TTC6: variants seen among roughly 807,000 people sequenced by gnomAD.
TTC6 encodes the protein tetratricopeptide repeat domain 6.
In TTC6, 172 loss-of-function variants were observed where a neutral mutation model predicts 210.4. That is an observed-to-expected ratio of 0.82 (90% CI 0.72 to 0.93). The LOEUF is 0.93. Ranked by LOEUF, TTC6 falls within the 40% of genes least tolerant of loss-of-function variation. The pLI, the probability that TTC6 is intolerant of heterozygous loss-of-function variation, is 0.00. For synonymous variants in TTC6, 804 were observed against 819.6 expected (o/e 0.98, Z 0.32); for missense variants, 2,414 against 2,318.1 (o/e 1.04, Z -0.85).
chr14:37,800,416 A>G (rs2096103729), intron 20 of TTC6, among the ~76,000 whole-genome samples: 1 of 152,300 alleles, frequency 6.6e-6, no homozygotes, highest in East Asian at 1.9e-4. Context: ...TAAGTTAAGA[A>G]CTGTTAAACA....
At chr14:37,596,579 T>C (rs1452236007) in intron 1 of TTC6, among the ~76,000 whole-genome samples, 1 of 152,204 alleles carries the variant, frequency 6.6e-6, no homozygotes, top group Non-Finnish European at 1.5e-5. Context: ...AATTAGTTGG[T>C]GATAGATTGG....
intron 1 of TTC6, among the ~76,000 whole-genome samples, chr14:37,628,074 A>C (rs970472661): frequency 1.4e-4 from 21 of 152,138 alleles, no homozygotes; most frequent in African/African-American, 5.1e-4. Flanking sequence ...AGGTTTAAGC[A>C]ATTCTCTTGC....
intron 14 of TTC6, among the ~76,000 whole-genome samples, chr14:37,771,621 C>T (rs2096019142): frequency 1.3e-5 from 2 of 152,162 alleles, no homozygotes; most frequent in South Asian, 4.1e-4. Context: ...CTGCATTCTT[C>T]ACGTAGTTCT....
At chr14:37,707,696 T>C (rs1486738492) in intron 5 of TTC6, among the ~76,000 whole-genome samples, 3 of 152,148 alleles carry the variant, frequency 2.0e-5, no homozygotes, top group African/African-American at 7.2e-5. Flanking sequence ...CTGTCACTTT[T>C]TGAATGCTAT....
chr14:37,759,530 C>G (rs12436270), intron 14 of TTC6, among the ~76,000 whole-genome samples: 3 of 151,990 alleles, frequency 2.0e-5, no homozygotes, highest in Non-Finnish European at 4.4e-5. Flanking sequence ...CTGTGTTTCC[C>G]GAATTTGAAT....
intron 14 of TTC6, among the ~76,000 whole-genome samples, chr14:37,778,807 G>A (rs1033212318): frequency 1.3e-5 from 2 of 152,142 alleles, no homozygotes; most frequent in Non-Finnish European, 2.9e-5. Flanking sequence ...TGGGGTCCTG[G>A]GAGAGGCCAG....
chr14:37,758,073 A>G (rs2095973283), intron 14 of TTC6, among the ~76,000 whole-genome samples: 2 of 151,956 alleles, frequency 1.3e-5, no homozygotes, highest in Non-Finnish European at 1.5e-5. Flanking sequence ...ATTCTTTTGC[A>G]TTTGCTGAGG....
chr14:37,794,921 A>G (rs2096088980), intron 17 of TTC6, among the ~76,000 whole-genome samples: 1 of 152,054 alleles, frequency 6.6e-6, no homozygotes, highest in African/African-American at 2.4e-5. Flanking sequence ...TTGCTGAAAA[A>G]GTTGTTAGGG....
chr14:37,806,376 A>T, exon 22 of TTC6: 1 of 1,535,414 alleles, frequency 6.5e-7, no homozygotes, highest in Non-Finnish European at 8.7e-7. Context: ...TGATTCTTTT[A>T]CAAAAGCTGT....
chr14:37,829,754 T>TTG (rs2096180279), intron 29 of TTC6, among the ~76,000 whole-genome samples: 1 of 152,004 alleles, frequency 6.6e-6, no homozygotes, highest in Non-Finnish European at 1.5e-5. Flanking sequence ...ACAATAGATA[T>TTG]TGCAAGGCAA....
intron 1 of TTC6, among the ~76,000 whole-genome samples, chr14:37,676,043 T>C (rs997719521): frequency 2.6e-5 from 4 of 152,082 alleles, no homozygotes; most frequent in Non-Finnish European, 5.9e-5. Context: ...TCTTGTTGTA[T>C]GTTAGTGTCA....
intron 5 of TTC6, among the ~76,000 whole-genome samples, chr14:37,703,730 G>A (rs1293407125): frequency 1.3e-5 from 2 of 151,892 alleles, no homozygotes; most frequent in Admixed American, 6.6e-5. Context: ...TTTGAACAGC[G>A]GTGTAGTGTT....
intron 21 of TTC6, 60 bp from the exon 24 acceptor site, chr14:37,806,301 A>G (rs1886183712): frequency 1.6e-5 from 23 of 1,428,914 alleles, no homozygotes; most frequent in Non-Finnish European, 2.1e-5. Context: ...ATTCGTTAAC[A>G]TTTTAAAACA....
intron 28 of TTC6, 77 bp downstream of exon 30, chr14:37,826,424 C>T: frequency 7.8e-7 from 1 of 1,280,776 alleles, no homozygotes; most frequent in Non-Finnish European, 1.0e-6. Flanking sequence ...AAGAAGTTCT[C>T]TGTTAGCTTT....
At chr14:37,735,759 C>T (rs1480373214) in intron 7 of TTC6, among the ~76,000 whole-genome samples, 162 bp from the exon 10 acceptor site, 1 of 152,264 alleles carries the variant, frequency 6.6e-6, no homozygotes, top group East Asian at 1.9e-4. Context: ...TATAGCTGGA[C>T]TTTGATGCAT....
At chr14:37,636,671 G>C (rs979028121) in intron 1 of TTC6, among the ~76,000 whole-genome samples, 1 of 152,128 alleles carries the variant, frequency 6.6e-6, no homozygotes, top group Non-Finnish European at 1.5e-5. Context: ...AAAAGCATCA[G>C]ATCAATTATC....
In TTC6 at chr14:37,807,469, A is replaced by G. The variant is rs953580318; in HGVS notation, c.4455+9A>G. 6.1e-6 allele frequency: 9 copies of G among 1,466,780 alleles called. No homozygotes were observed. Among genetic ancestry groups the G allele is most frequent in the Admixed American group, 2.0e-5 (1 of 50,136 alleles). The allele number at this position is 1,466,780 out of a possible 1,614,324, so 90.9% of individuals were successfully genotyped here. On this transcript the variant is annotated intron_variant, in intron 23 of 30. Coordinates refer to ENST00000553443, the Ensembl canonical transcript of TTC6. Reference sequence around the variant, plus strand: ...TGAAATACTACAACAAGGTAGGGCCATTTCCTGCCTGGTTTACCGAAATTT... The same window carrying G: ...TGAAATACTACAACAAGGTAGGGCCGTTTCCTGCCTGGTTTACCGAAATTT...
intron 8 of TTC6, among the ~76,000 whole-genome samples, chr14:37,736,619 G>GT (rs1292324910): frequency 6.6e-6 from 1 of 152,196 alleles, no homozygotes; most frequent in Non-Finnish European, 1.5e-5. Context: ...ATGAAGCAGA[G>GT]TAAGACTGAT....
intron 1 of TTC6, among the ~76,000 whole-genome samples, chr14:37,642,186 G>A (rs936594962): frequency 2.6e-5 from 4 of 152,164 alleles, no homozygotes; most frequent in Admixed American, 6.5e-5. Flanking sequence ...CATAGCCTCC[G>A]CTGGTAGCTT....
Sources: allele counts gnomAD v4.1 joint callset (sites outside exome capture counted in the v4.1 genomes callset), GRCh38; gene constraint gnomAD v4.1.1; transcripts MANE v1.5; gene names NCBI Gene and HGNC (gene_info 2026-07-23, HGNC 2026-07-21).